Variants in EDRF1 observed in about 807,000 individuals in gnomAD.
The protein encoded by EDRF1 is erythroid differentiation-related factor 1.
Under a neutral mutation model 148.7 loss-of-function variants are expected in EDRF1, and 69 were observed. The ratio of observed to expected loss-of-function variants is 0.46; its 90% CI spans 0.38 to 0.57. The LOEUF (loss-of-function observed/expected upper bound fraction) is 0.57, where lower values mean the gene tolerates loss of function less well. Among genes scored for constraint, EDRF1 ranks in the 20% least tolerant of loss-of-function variants. EDRF1 has a pLI of 0.00. For missense variants in EDRF1, 1,118 were observed against 1,478.7 expected, an observed-to-expected ratio of 0.76 and a Z score of 4.00; for synonymous variants, 515 against 532.8, an observed-to-expected ratio of 0.97 and a Z score of 0.46.
At position 125,745,825 on chromosome 10, in the gene EDRF1, A is replaced by C. The variant is rs1434455245; in HGVS notation, c.2709A>C (p.Leu903Phe). 1 of 1,614,098 alleles carries C rather than the reference A, an allele frequency of 6.2e-7. No homozygotes were observed. Among genetic ancestry groups the C allele is most frequent in the Admixed American group, 1.7e-5 (1 of 60,008 alleles). ...ATGCCACCAATGCCGCCCTTTTATT[A>C]TGTAACACGGGAAGGCTCATGCGGA... Reference protein sequence around the residue: ...IEDATNAALLLCNTGRLMRIC... With the variant: ...IEDATNAALLFCNTGRLMRIC... The change falls in exon 19 of 25, where the codon TTA (leucine) becomes TTC (phenylalanine). Residue 903 changes from leucine to phenylalanine, a missense_variant. By Grantham distance (22) the Leu-to-Phe change is conservative. Coordinates refer to ENST00000356792, the MANE Select transcript of EDRF1 (RefSeq NM_001202438.2).
intron 21 of EDRF1, chr10:125,748,524 G>T (rs1207653817): frequency 5.6e-6 from 1 of 177,494 alleles, no homozygotes; most frequent in Admixed American, 5.5e-5. Context: ...GAGATTGCTT[G>T]GCTTTTGCTG....
At chr10:125,753,056 A>G in intron 23 of EDRF1, 142 bp downstream of exon 23, 1 of 664,644 alleles carries the variant, frequency 1.5e-6, no homozygotes, top group South Asian at 1.7e-5. Flanking sequence ...ACATTTTAAC[A>G]GTGATTTGTT....
chr10:125,739,993 A>T (rs774216162), intron 15 of EDRF1, among the ~76,000 whole-genome samples: 1 of 152,238 alleles, frequency 6.6e-6, no homozygotes, highest in Non-Finnish European at 1.5e-5. Flanking sequence ...AGGCATGTTT[A>T]TAGGTGACAA....
At position 125,757,108 on chromosome 10, in the gene EDRF1, T is replaced by A. The variant is rs111946575; in HGVS notation, c.3545+3263T>A. 5.9e-3 allele frequency: 2,326 copies of A among 394,036 alleles called. 50 individuals are homozygous for A. Among genetic ancestry groups the A allele is most frequent in the African/African-American group, 0.045 (2,150 of 47,376 alleles). 24.4% of individuals were successfully genotyped at this position (394,036 alleles called of 1,614,324 possible). On this transcript the variant is annotated intron_variant, in intron 24 of 24. Transcript: ENST00000356792. ...GATTACAAGTATGAGCCACTGCACCTGGCCCAAGGGTCTTGCTTTTTAAAT... is the reference window on the plus strand; with the variant it reads ...GATTACAAGTATGAGCCACTGCACCAGGCCCAAGGGTCTTGCTTTTTAAAT...
At chr10:125,753,666 G>C in intron 23 of EDRF1, 28 bp from the exon 24 acceptor site, 2 of 1,613,798 alleles carry the variant, frequency 1.2e-6, no homozygotes, top group Non-Finnish European at 8.5e-7. Context: ...TGGATAGCTC[G>C]AGTAAAATAA....
Position 125,763,987 on chromosome 10 carries a change from T to A in EDRF1, c.*515T>A, listed in dbSNP as rs1240693586. 1 of 163,204 alleles carries A rather than the reference T, an allele frequency of 6.1e-6. No homozygotes were observed. Among genetic ancestry groups the A allele is most frequent in the Non-Finnish European group, 1.4e-5 (1 of 73,856 alleles). The allele number at this position is 163,204 out of a possible 1,614,324, so 10.1% of individuals were successfully genotyped here. A position where few individuals can be genotyped will look rare whatever the true frequency, so the allele number is the denominator to read the frequency against. ...TTTCAAAGACGAGCTGTTGTGCAAT[T>A]TGCTGTATTTAATGCATGTTCTGAA... On this transcript the variant is annotated 3_prime_UTR_variant, in exon 25 of 25. Coordinates refer to ENST00000356792, the MANE Select transcript of EDRF1 (RefSeq NM_001202438.2). This position sits in a 1 kb window ranked among gnomAD's most constrained non-coding sequence, Gnocchi z 4.3.
At chr10:125,756,019 T>C (rs1220163136) in intron 24 of EDRF1, among the ~76,000 whole-genome samples, 1 of 152,190 alleles carries the variant, frequency 6.6e-6, no homozygotes, top group Non-Finnish European at 1.5e-5. Flanking sequence ...TTTTTGTAGT[T>C]TCTTAAGGTG....
At chr10:125,735,019 T>G (rs145855560) in intron 12 of EDRF1, among the ~76,000 whole-genome samples, 39 of 152,332 alleles carry the variant, frequency 2.6e-4, no homozygotes, top group African/African-American at 9.1e-4. Context: ...ACCTAATTGC[T>G]GACTGAGGTG....
chr10:125,756,746 T>C lies in EDRF1; in HGVS notation c.3545+2901T>C, dbSNP rs768018505. 3.1e-4 allele frequency: 118 copies of C among 380,766 alleles called. 1 individual carries two copies. Among genetic ancestry groups the C allele is most frequent in the South Asian group, 2.4e-3 (115 of 48,204 alleles). 23.6% of individuals were successfully genotyped at this position (380,766 alleles called of 1,614,324 possible). On this transcript the variant is annotated intron_variant, in intron 24 of 24. Transcript: ENST00000356792. The stretch of plus-strand genomic sequence containing the variant: ...AATGTCTTTTTTTGTATGTCTTTTA[T>C]ATTAAAATTGGGTTTCCTATAGGTG...
intron 2 of EDRF1, 56 bp from the exon 3 acceptor site, chr10:125,723,012 A>G: frequency 1.5e-6 from 2 of 1,337,870 alleles, no homozygotes; most frequent in Middle Eastern, 1.8e-4. Flanking sequence ...ATTAAGCTCT[A>G]CTTGCATGAT....
chr10:125,731,709 AT>A (rs1273448835), intron 9 of EDRF1, among the ~76,000 whole-genome samples: 2 of 152,154 alleles, frequency 1.3e-5, no homozygotes, highest in Non-Finnish European at 2.9e-5. Context: ...AACCAGAGGC[AT>A]TGTACCATTT....
chr10:125,728,997 T>G lies in EDRF1; in HGVS notation c.793-6T>G. 1 of 1,569,200 alleles carries G rather than the reference T, an allele frequency of 6.4e-7. No homozygotes were observed. Among genetic ancestry groups the G allele is most frequent in the South Asian group, 1.2e-5 (1 of 86,362 alleles). ...GAATCACTCCTTATCCTTGCACTTT[T>G]CACAGGGAAGTGAGCCTCTTGAACC... On this transcript the variant is annotated splice_region_variant and splice_polypyrimidine_tract_variant and intron_variant, in intron 6 of 24. Transcript: ENST00000356792.
At chr10:125,748,212 C>T (rs752353045) in intron 21 of EDRF1, 200 bp downstream of exon 21, 2 of 645,658 alleles carry the variant, frequency 3.1e-6, no homozygotes, top group Non-Finnish European at 2.7e-6. Flanking sequence ...CCATGTTGAG[C>T]ATGGGAAAAC....
intron 24 of EDRF1, among the ~76,000 whole-genome samples, chr10:125,754,964 T>C (rs930830346): frequency 6.6e-5 from 10 of 152,196 alleles, no homozygotes; most frequent in Admixed American, 6.5e-4. Flanking sequence ...CCTTGACAAA[T>C]GCATATAGAT....
chr10:125,747,460 A>G lies in EDRF1; in HGVS notation c.2815-76A>G, dbSNP rs879014508. The stretch of plus-strand genomic sequence containing the variant: ...TAAATTAACATCTGGGTAGTTGTGA[A>G]GTGTGTTTTATTTTAATGCAGTATT... On this transcript the variant is annotated intron_variant, in intron 19 of 24. Coordinates refer to ENST00000356792, the MANE Select transcript of EDRF1 (RefSeq NM_001202438.2). 2.4e-5 allele frequency: 35 copies of G among 1,466,228 alleles called. No individual in the cohort carries two copies. The South Asian group carries it at 3.8e-4, about 16-fold the overall frequency. The allele number at this position is 1,466,228 out of a possible 1,614,324, so 90.8% of individuals were successfully genotyped here. A position where few individuals can be genotyped will look rare whatever the true frequency, so the allele number is the denominator to read the frequency against.
intron 24 of EDRF1, among the ~76,000 whole-genome samples, chr10:125,759,717 A>ATT (rs971906199): frequency 6.8e-6 from 1 of 147,798 alleles, no homozygotes; most frequent in African/African-American, 2.5e-5. Flanking sequence ...ATTTTTATTT[A>ATT]TTTTTTTTTT....
chr10:125,759,754 A>G (rs1215402503), intron 24 of EDRF1, among the ~76,000 whole-genome samples: 1 of 151,688 alleles, frequency 6.6e-6, no homozygotes, highest in African/African-American at 2.4e-5. Flanking sequence ...TCTGTCGCCC[A>G]CGCTGGAGTG....
At chr10:125,726,546 T>C (rs1848263901) in intron 6 of EDRF1, among the ~76,000 whole-genome samples, 1 of 152,208 alleles carries the variant, frequency 6.6e-6, no homozygotes, top group African/African-American at 2.4e-5. Context: ...GATTGATAAA[T>C]AGATAATAAG....
At chr10:125,739,906 T>A (rs1204173073) in intron 15 of EDRF1, among the ~76,000 whole-genome samples, 1 of 152,160 alleles carries the variant, frequency 6.6e-6, no homozygotes, top group Non-Finnish European at 1.5e-5. Flanking sequence ...GTAAAGAAGG[T>A]AGCGATGGGC....
Sources: allele counts gnomAD v4.1 joint callset (sites outside exome capture counted in the v4.1 genomes callset), GRCh38; gene constraint gnomAD v4.1.1; non-coding constraint Gnocchi (gnomAD v3.1); transcripts MANE v1.5; gene names NCBI Gene and HGNC (gene_info 2026-07-23, HGNC 2026-07-21).